Variants in GTF2IRD1 observed in about 807,000 individuals in gnomAD.
GTF2IRD1 encodes the protein GTF2I repeat domain containing 1.
GTF2IRD1 carries 26 observed loss-of-function variants against 113.2 expected under a neutral mutation model. The observed-to-expected ratio is 0.23, with a 90% CI of 0.17 to 0.32. GTF2IRD1 has a LOEUF of 0.32. GTF2IRD1 is among the 10% of genes least tolerant of loss of function. The pLI is 1.00. For missense variants in GTF2IRD1, 864 were observed against 1,280.8 expected, an observed-to-expected ratio of 0.67 and a Z score of 4.97; for synonymous variants, 484 against 529.1, an observed-to-expected ratio of 0.91 and a Z score of 1.17.
At chr7:74,534,418 A>G (rs1798157007) in intron 9 of GTF2IRD1, among the ~76,000 whole-genome samples, 1 of 152,224 alleles carries the variant, frequency 6.6e-6, no homozygotes, top group Non-Finnish European at 1.5e-5. Context: ...CCTGGCCAAC[A>G]TGGTGAAACC....
chr7:74,503,261 G>T (rs114096682), intron 1 of GTF2IRD1, among the ~76,000 whole-genome samples: 5 of 152,144 alleles, frequency 3.3e-5, no homozygotes, highest in Non-Finnish European at 7.3e-5. Flanking sequence ...TGAACAGCAG[G>T]TGTTGGCAGC....
At position 74,496,362 on chromosome 7, in the gene GTF2IRD1, ATG is replaced by A. The variant is rs1190595418; in HGVS notation, c.-6-11704_-6-11703del. ...TGTATGTGCATGTGTGTGTGGGTGC[ATG>A]TGTGTGTGCATATATGTGTGTGATA... On this transcript the variant is annotated intron_variant, in intron 1 of 26. Coordinates refer to ENST00000424337, the MANE Select transcript of GTF2IRD1 (RefSeq NM_005685.4). 1.7e-3 allele frequency among the ~76,000 whole-genome samples: 200 copies of A among 118,002 alleles called. 2 individuals are homozygous for A. Among genetic ancestry groups the A allele is most frequent in the Middle Eastern group, 7.5e-3 (1 of 134 alleles). 77.4% of individuals were successfully genotyped at this position (118,002 alleles called of 152,430 possible).
intron 1 of GTF2IRD1, among the ~76,000 whole-genome samples, chr7:74,501,155 G>C (rs1554339354): frequency 6.6e-6 from 1 of 152,086 alleles, no homozygotes. Context: ...TCTCCTCTTT[G>C]CCTCTTCCCT....
intron 24 of GTF2IRD1, among the ~76,000 whole-genome samples, chr7:74,592,212 GTC>G (rs1379183975): frequency 6.6e-6 from 1 of 151,878 alleles, no homozygotes; most frequent in Non-Finnish European, 1.5e-5. Context: ...CAATTCTCCT[GTC>G]TCAGTCTCTC....
At chr7:74,547,004 C>A in intron 16 of GTF2IRD1, 99 bp from the exon 17 acceptor site, 1 of 1,088,240 alleles carries the variant, frequency 9.2e-7, no homozygotes, top group Non-Finnish European at 1.3e-6. Flanking sequence ...CTCAAAAGGG[C>A]TCTGGCAGCT....
intron 16 of GTF2IRD1, among the ~76,000 whole-genome samples, chr7:74,546,218 CTTTTTTT>C (rs1222914895): frequency 1.6e-5 from 2 of 126,506 alleles, no homozygotes; most frequent in South Asian, 5.2e-4. Context: ...CCATGTTTTT[CTTTTTTT>C]TTTTTTTTTT....
At chr7:74,505,937 A>T (rs1562812454) in intron 1 of GTF2IRD1, 1 of 152,262 alleles carries the variant, frequency 6.6e-6, no homozygotes, top group Non-Finnish European at 1.5e-5. Flanking sequence ...CCCTTAATAC[A>T]GCAGATTTCA....
chr7:74,549,296 C>CT (rs782373933), intron 17 of GTF2IRD1, among the ~76,000 whole-genome samples: 8 of 134,650 alleles, frequency 5.9e-5, no homozygotes, highest in African/African-American at 9.5e-5. Flanking sequence ...GAGCAAGACT[C>CT]TGTCTCAAAA....
chr7:74,531,108 C>T (rs937609000), intron 9 of GTF2IRD1, among the ~76,000 whole-genome samples: 2 of 151,538 alleles, frequency 1.3e-5, no homozygotes, highest in Non-Finnish European at 2.9e-5. Flanking sequence ...GCCTGGATTA[C>T]GCCTGTAATC....
chr7:74,481,155 A>C (rs1234663447), intron 1 of GTF2IRD1, among the ~76,000 whole-genome samples: 1 of 152,126 alleles, frequency 6.6e-6, no homozygotes, highest in African/African-American at 2.4e-5. Context: ...TTTTTTATTT[A>C]AAAGGAAAAT....
intron 24 of GTF2IRD1, among the ~76,000 whole-genome samples, chr7:74,592,923 T>A (rs183857944): frequency 6.6e-6 from 1 of 152,198 alleles, no homozygotes; most frequent in Non-Finnish European, 1.5e-5. Context: ...AGTGCCGTCA[T>A]CTTGGCTCAC....
chr7:74,471,482 C>T (rs1554332296), intron 1 of GTF2IRD1, among the ~76,000 whole-genome samples: 1 of 151,926 alleles, frequency 6.6e-6, no homozygotes, highest in East Asian at 1.9e-4. Flanking sequence ...GCACTCTAGC[C>T]TGGGTGACAG....
chr7:74,576,777 T>A (rs1801098524), intron 22 of GTF2IRD1, among the ~76,000 whole-genome samples: 1 of 148,226 alleles, frequency 6.7e-6, no homozygotes, highest in Non-Finnish European at 1.5e-5. Flanking sequence ...TATGCCAACA[T>A]GCCCGGCTAA....
intron 1 of GTF2IRD1, among the ~76,000 whole-genome samples, chr7:74,498,092 T>G (rs1554338556): frequency 1.3e-5 from 2 of 152,160 alleles, no homozygotes; most frequent in Non-Finnish European, 2.9e-5. Context: ...GTTGGACATC[T>G]TTTCATCTGT....
At chr7:74,544,310 C>G (rs1450349961) in intron 14 of GTF2IRD1, among the ~76,000 whole-genome samples, 1 of 152,118 alleles carries the variant, frequency 6.6e-6, no homozygotes, top group Admixed American at 6.6e-5. Context: ...CTCAGCCTCC[C>G]GAGTAGCTGG....
At chr7:74,552,481 A>G (rs1258920189) in intron 17 of GTF2IRD1, among the ~76,000 whole-genome samples, 1 of 152,132 alleles carries the variant, frequency 6.6e-6, no homozygotes, top group African/African-American at 2.4e-5. Context: ...GCGCCCCTGC[A>G]CTCCAGCCTG....
intron 22 of GTF2IRD1, among the ~76,000 whole-genome samples, chr7:74,568,441 G>T (rs587704466): frequency 6.6e-6 from 1 of 151,918 alleles, no homozygotes; most frequent in Non-Finnish European, 1.5e-5. Flanking sequence ...AAGGTCAGGA[G>T]ATCAAGACCA....
At position 74,535,129 on chromosome 7, in the gene GTF2IRD1, A is replaced by T; in HGVS notation, c.1291A>T (p.Ile431Phe). 6.2e-7 allele frequency: 1 copy of T among 1,612,916 alleles called. No homozygotes were observed. Among genetic ancestry groups the T allele is most frequent in the Non-Finnish European group, 8.5e-7 (1 of 1,179,028 alleles). The part of the protein sequence containing the change: ...FIIKRMFDER[I>F]FTGNKFTKDT... ...TCTCCCCAGGATGTTTGATGAGCGAATTTTCACAGGTATGTGGGGACCATC... is the reference window on the plus strand; with the variant it reads ...TCTCCCCAGGATGTTTGATGAGCGATTTTTCACAGGTATGTGGGGACCATC... Residue 431 changes from isoleucine (I) to phenylalanine (F), a missense_variant, in exon 10 of 27, where the codon ATT (isoleucine) becomes TTT (phenylalanine). Coordinates refer to ENST00000424337, the MANE Select transcript of GTF2IRD1 (RefSeq NM_005685.4).
In GTF2IRD1 at chr7:74,519,950, C is replaced by T. The variant is rs138845501; in HGVS notation, c.916+231C>T. Among the ~76,000 whole-genome samples the T allele has an allele frequency of 4.2e-3, 631 of 151,904 alleles. 5 individuals carry two copies. The highest frequency in any genetic ancestry group is 0.014 in the African/African-American group (572 of 41,412). ...TGTCCTTGGCCTTGGACTAAGAGGACGCCTGCGAGGACTCCCTGGGTCCCA... is the reference window on the plus strand; with the variant it reads ...TGTCCTTGGCCTTGGACTAAGAGGATGCCTGCGAGGACTCCCTGGGTCCCA... On this transcript the variant is annotated intron_variant, in intron 6 of 26. Transcript: ENST00000424337.
Sources: gnomAD v4.1 joint callset for allele counts (sites outside exome capture counted in the v4.1 genomes callset) on GRCh38, gnomAD v4.1.1 for gene constraint, MANE v1.5 for transcripts, NCBI Gene and HGNC (gene_info 2026-07-23, HGNC 2026-07-21) for gene names.